THSD7B: variants seen among roughly 807,000 people sequenced by gnomAD.
THSD7B encodes the protein thrombospondin type 1 domain containing 7B.
THSD7B carries 138 observed loss-of-function variants against 213.6 expected under a neutral mutation model. The ratio of observed to expected loss-of-function variants is 0.65; its 90% CI spans 0.56 to 0.74. THSD7B has a LOEUF of 0.74. Ranked by LOEUF, THSD7B falls within the 30% of genes least tolerant of loss-of-function variation. The pLI, the probability that THSD7B is intolerant of heterozygous loss-of-function variation, is 0.00. For missense variants in THSD7B, 1,931 were observed against 1,991.5 expected (o/e 0.97, Z 0.58); for synonymous variants, 742 against 687.0 (o/e 1.08, Z -1.25).
intron 13 of THSD7B, among the ~76,000 whole-genome samples, chr2:137,411,144 G>A (rs1463284): frequency 0.58 from 88,171 of 152,168 alleles, 28,074 homozygotes; most frequent in East Asian, 0.77. Flanking sequence ...GGAGCTGCCT[G>A]ATGGCAGAGA....
intron 2 of THSD7B, among the ~76,000 whole-genome samples, chr2:136,895,834 T>C (rs1388195167): frequency 6.6e-6 from 1 of 152,144 alleles, no homozygotes; most frequent in African/African-American, 2.4e-5. Flanking sequence ...TTGTCTTCTC[T>C]GGATATTTCA....
chr2:137,305,825 A>C (rs1683728262), intron 12 of THSD7B, among the ~76,000 whole-genome samples: 1 of 152,096 alleles, frequency 6.6e-6, no homozygotes, highest in African/African-American at 2.4e-5. Flanking sequence ...CTTACATGAC[A>C]CACATCTAGA....
chr2:137,284,395 T>G (rs189463262), intron 12 of THSD7B, among the ~76,000 whole-genome samples: 32 of 152,250 alleles, frequency 2.1e-4, no homozygotes, highest in African/African-American at 7.0e-4. Context: ...GTGTCTCTAT[T>G]TCCTTCAGTT....
At chr2:137,177,843 G>A (rs1680386937) in intron 7 of THSD7B, among the ~76,000 whole-genome samples, 1 of 151,896 alleles carries the variant, frequency 6.6e-6, no homozygotes, top group Non-Finnish European at 1.5e-5. Context: ...GGTCAAGGTG[G>A]GCGGATCACT....
intron 15 of THSD7B, among the ~76,000 whole-genome samples, chr2:137,472,621 A>T (rs1430362247): frequency 1.3e-5 from 2 of 152,212 alleles, no homozygotes; most frequent in Non-Finnish European, 2.9e-5. Context: ...TTAGTAAAGG[A>T]TATGAACAAC....
intron 15 of THSD7B, among the ~76,000 whole-genome samples, chr2:137,452,404 T>C (rs2105067970): frequency 6.6e-6 from 1 of 152,188 alleles, no homozygotes; most frequent in Admixed American, 6.5e-5. Flanking sequence ...AGATAATCCT[T>C]ACAAAGAAAG....
At chr2:137,513,475 C>T (rs1291066635) in intron 15 of THSD7B, among the ~76,000 whole-genome samples, 2 of 152,124 alleles carry the variant, frequency 1.3e-5, no homozygotes, top group East Asian at 3.9e-4. Flanking sequence ...ATAATTTATG[C>T]TAGGAAAACT....
At position 137,272,739 on chromosome 2, in the gene THSD7B, C is replaced by T. The variant is rs542350266; in HGVS notation, c.2396+77C>T. ...TATTTTCTTTCACATAACATATGGT[C>T]GTTTGGTGAAAAATAAGTAAGAGGG... On this transcript the variant is annotated intron_variant, in intron 11 of 27. Transcript: ENST00000409968. 9.5e-6 allele frequency: 14 copies of T among 1,475,262 alleles called. No homozygotes were observed. In the African/African-American group the frequency reaches 1.4e-4, roughly 15 times the overall value. 91.4% of individuals were successfully genotyped at this position (1,475,262 alleles called of 1,614,324 possible). A position where few individuals can be genotyped will look rare whatever the true frequency, so the allele number is the denominator to read the frequency against.
At chr2:136,874,958 A>G (rs1028403043) in intron 1 of THSD7B, among the ~76,000 whole-genome samples, 3 of 152,040 alleles carry the variant, frequency 2.0e-5, no homozygotes, top group African/African-American at 7.3e-5. Flanking sequence ...TGGAATCTCT[A>G]ATTGTTTCTT....
chr2:136,976,231 A>C (rs1685479469), intron 2 of THSD7B, among the ~76,000 whole-genome samples: 3 of 152,232 alleles, frequency 2.0e-5, no homozygotes, highest in Admixed American at 2.0e-4. Context: ...GAGAGAGGGC[A>C]GCCTTGCCTT....
At chr2:137,520,047 T>TC (rs1233316533) in intron 15 of THSD7B, among the ~76,000 whole-genome samples, 8 of 152,242 alleles carry the variant, frequency 5.3e-5, no homozygotes, top group African/African-American at 1.9e-4. Flanking sequence ...AGAGAGATGC[T>TC]AAAAGGTAAA....
At chr2:137,216,953 C>T (rs1236750815) in intron 7 of THSD7B, among the ~76,000 whole-genome samples, 1 of 152,130 alleles carries the variant, frequency 6.6e-6, no homozygotes, top group Admixed American at 6.6e-5. Flanking sequence ...GCGGATTTAA[C>T]TCTTTTGTGA....
chr2:137,170,986 C>G lies in THSD7B; in HGVS notation c.1723+48C>G, dbSNP rs1032426831. The G allele has an allele frequency of 2.5e-6, 4 of 1,576,114 alleles. 1 individual carries two copies. The highest frequency in any genetic ancestry group is 3.5e-6 in the Non-Finnish European group (4 of 1,152,464). On this transcript the variant is annotated intron_variant, in intron 7 of 27. Transcript: ENST00000409968. Reference sequence around the variant, plus strand: ...AGGTGTTAGGATGTTAAGTATCAGCCAAATAACACATGACCACCCTTCAAT... The same window carrying G: ...AGGTGTTAGGATGTTAAGTATCAGCGAAATAACACATGACCACCCTTCAAT...
chr2:136,877,828 G>A (rs1416965173), intron 1 of THSD7B, among the ~76,000 whole-genome samples: 1 of 151,760 alleles, frequency 6.6e-6, no homozygotes, highest in Non-Finnish European at 1.5e-5. Context: ...GTCTTTTCCT[G>A]GGGGGAAAAA....
At chr2:137,391,913 C>T (rs974340299) in intron 12 of THSD7B, among the ~76,000 whole-genome samples, 1 of 152,138 alleles carries the variant, frequency 6.6e-6, no homozygotes, top group Non-Finnish European at 1.5e-5. Context: ...ACTACTTTTG[C>T]TGTACCCAAC....
intron 5 of THSD7B, among the ~76,000 whole-genome samples, chr2:137,147,860 T>G (rs1015955941): frequency 4.6e-5 from 7 of 152,168 alleles, no homozygotes; most frequent in African/African-American, 1.7e-4. Context: ...TCAACCATGC[T>G]TTTGTATTTT....
At chr2:137,349,439 G>C (rs993233260) in intron 12 of THSD7B, among the ~76,000 whole-genome samples, 1 of 151,802 alleles carries the variant, frequency 6.6e-6, no homozygotes, top group Non-Finnish European at 1.5e-5. Context: ...CATATGCAAA[G>C]TGCATAAAAA....
chr2:137,605,813 C>T (rs561034740), intron 17 of THSD7B, among the ~76,000 whole-genome samples: 4 of 151,904 alleles, frequency 2.6e-5, no homozygotes, highest in South Asian at 2.1e-4. Context: ...GGGTTACAGG[C>T]GCTTGCCACC....
chr2:136,864,285 C>T (rs1191307853), intron 1 of THSD7B, among the ~76,000 whole-genome samples: 2 of 152,042 alleles, frequency 1.3e-5, no homozygotes, highest in Non-Finnish European at 2.9e-5. Context: ...AGTGTGTTCT[C>T]TGGATTTTCT....
Sources: allele counts gnomAD v4.1 joint callset (sites outside exome capture counted in the v4.1 genomes callset), GRCh38; gene constraint gnomAD v4.1.1; transcripts MANE v1.5; gene names NCBI Gene and HGNC (gene_info 2026-07-23, HGNC 2026-07-21).